The following ANKS1B variants were observed in gnomAD, a reference collection of about 807,000 sequenced individuals.
ANKS1B encodes ankyrin repeat and sterile alpha motif domain-containing protein 1B.
Under a neutral mutation model 148.3 loss-of-function variants are expected in ANKS1B, and 36 were observed. That is an observed-to-expected ratio of 0.24 (90% CI 0.19 to 0.32). The LOEUF is 0.32. Among genes scored for constraint, ANKS1B ranks in the 10% least tolerant of loss-of-function variants. ANKS1B has a pLI of 1.00. For missense variants in ANKS1B, 1,157 were observed against 1,542.6 expected (o/e 0.75, Z 4.19); for synonymous variants, 542 against 560.8 (o/e 0.97, Z 0.47).
intron 12 of ANKS1B, among the ~76,000 whole-genome samples, chr12:99,272,811 G>T (rs1212231476): frequency 6.6e-6 from 1 of 152,100 alleles, no homozygotes; most frequent in Non-Finnish European, 1.5e-5. Context: ...AGCATCATTT[G>T]AAGATATGCT....
Position 99,084,993 on chromosome 12 carries a change from A to G in ANKS1B, c.2557T>C (p.Leu853=). 4 of 1,610,008 alleles carry G rather than the reference A, an allele frequency of 2.5e-6. No homozygotes were observed. Among genetic ancestry groups the G allele is most frequent in the Non-Finnish European group, 3.4e-6 (4 of 1,178,058 alleles). The change falls in exon 16 of 27, where the codon TTG becomes CTG. Residue 853 remains leucine, a synonymous_variant. Transcript: ENST00000683438. ...GSNVMEDQDL[L]EIGILNSGHR... is the part of the protein sequence containing the mutation. ...CCAGAATTAAGGATTCCAATTTCCA[A>G]CAAATCCTGATCTTCCATAACATTG...
chr12:99,877,499 A>G (rs1470535521), intron 1 of ANKS1B, among the ~76,000 whole-genome samples: 2 of 152,206 alleles, frequency 1.3e-5, no homozygotes, highest in East Asian at 3.8e-4. Context: ...ATAGGCTCTA[A>G]CAATCTCACT....
At chr12:99,978,423 G>A (rs1344215381) in intron 1 of ANKS1B, among the ~76,000 whole-genome samples, 2 of 152,172 alleles carry the variant, frequency 1.3e-5, no homozygotes, top group African/African-American at 2.4e-5. Flanking sequence ...TCCCCATCAT[G>A]CAGCTGGCAC....
chr12:99,881,590 T>C (rs1197399774), intron 1 of ANKS1B, among the ~76,000 whole-genome samples: 3 of 152,214 alleles, frequency 2.0e-5, no homozygotes, highest in Non-Finnish European at 4.4e-5. Flanking sequence ...CGTCCTGAGC[T>C]GCACATACAG....
chr12:99,196,730 C>T (rs1352619331), intron 14 of ANKS1B, among the ~76,000 whole-genome samples: 8 of 151,752 alleles, frequency 5.3e-5, no homozygotes, highest in Non-Finnish European at 4.4e-5. Flanking sequence ...CCCATTAACT[C>T]GTCATTTAGC....
At chr12:99,820,238 A>G (rs1354617590) in intron 2 of ANKS1B, among the ~76,000 whole-genome samples, 1 of 151,950 alleles carries the variant, frequency 6.6e-6, no homozygotes, top group Non-Finnish European at 1.5e-5. Context: ...ATTGAAGATG[A>G]ATATGAAATA....
chr12:99,128,462 C>G (rs780696283), intron 15 of ANKS1B, among the ~76,000 whole-genome samples: 1 of 152,136 alleles, frequency 6.6e-6, no homozygotes, highest in African/African-American at 2.4e-5. Context: ...ATGCCTTCCT[C>G]TAAGAGTTCA....
chr12:99,365,687 G>T (rs2092725575), intron 12 of ANKS1B, among the ~76,000 whole-genome samples: 1 of 152,098 alleles, frequency 6.6e-6, no homozygotes, highest in Non-Finnish European at 1.5e-5. Flanking sequence ...ATTCAGAACA[G>T]GTCTGATCCC....
intron 8 of ANKS1B, among the ~76,000 whole-genome samples, chr12:99,661,497 C>T (rs886408262): frequency 4.6e-5 from 7 of 152,158 alleles, no homozygotes; most frequent in African/African-American, 1.7e-4. Flanking sequence ...TGTTATTGGA[C>T]CATGAGAATA....
At chr12:99,637,436 T>C (rs903322616) in intron 9 of ANKS1B, among the ~76,000 whole-genome samples, 2 of 152,166 alleles carry the variant, frequency 1.3e-5, no homozygotes, top group Non-Finnish European at 2.9e-5. Flanking sequence ...CTCGATTGGA[T>C]TGAAGGATGC....
rs1028414649 is a variant in ANKS1B at position 99,609,231 on chromosome 12, A to T, written c.1272+45836T>A. Among the ~76,000 whole-genome samples the T allele has an allele frequency of 5.9e-5, 9 of 152,148 alleles. No homozygotes were observed. The South Asian group carries it at 8.4e-4, about 14-fold the overall frequency. ...TTGACTTTTCACCATACAGCCTTTT[A>T]AAAAAATCCTTTCAAATGTCTTATT... On this transcript the variant is annotated intron_variant, in intron 9 of 26. Transcript: ENST00000683438.
At chr12:99,099,132 T>G (rs547817573) in intron 15 of ANKS1B, among the ~76,000 whole-genome samples, 1 of 152,092 alleles carries the variant, frequency 6.6e-6, no homozygotes, top group East Asian at 1.9e-4. Flanking sequence ...AGCAGGAGTC[T>G]GGGTGCCGGC....
intron 14 of ANKS1B, among the ~76,000 whole-genome samples, chr12:99,156,003 C>G (rs1030540076): frequency 6.6e-6 from 1 of 152,196 alleles, no homozygotes; most frequent in East Asian, 1.9e-4. Context: ...CTCATCCCCC[C>G]AGAGCAGCCG....
intron 2 of ANKS1B, among the ~76,000 whole-genome samples, chr12:99,822,377 A>C (rs887339813): frequency 1.3e-5 from 2 of 152,116 alleles, no homozygotes; most frequent in Non-Finnish European, 2.9e-5. Context: ...TATGATGCTG[A>C]GGTTTGGGAT....
intron 14 of ANKS1B, among the ~76,000 whole-genome samples, chr12:99,222,000 T>C (rs2085201776): frequency 6.6e-6 from 1 of 152,094 alleles, no homozygotes; most frequent in Admixed American, 6.5e-5. Flanking sequence ...CATAAAACAT[T>C]CACACAACTA....
intron 17 of ANKS1B, among the ~76,000 whole-genome samples, chr12:99,038,332 T>C (rs2153480738): frequency 6.6e-6 from 1 of 152,252 alleles, no homozygotes; most frequent in East Asian, 1.9e-4. Flanking sequence ...CGATCCTTAA[T>C]TCCTTTGATT....
At chr12:99,694,719 C>T (rs2053637382) in intron 8 of ANKS1B, among the ~76,000 whole-genome samples, 1 of 152,104 alleles carries the variant, frequency 6.6e-6, no homozygotes, top group Admixed American at 6.5e-5. Flanking sequence ...TTTCAACAAA[C>T]ACATACCAAA....
At chr12:99,073,616 TAG>T (rs149661919) in intron 16 of ANKS1B, among the ~76,000 whole-genome samples, 1,616 of 152,332 alleles carry the variant, frequency 0.011, 31 homozygotes, top group African/African-American at 0.037. Flanking sequence ...CTTGTATTTC[TAG>T]AGCTCTTGGA....
intron 12 of ANKS1B, among the ~76,000 whole-genome samples, chr12:99,370,079 GT>G (rs1296442885): frequency 7.1e-6 from 1 of 140,068 alleles, no homozygotes; most frequent in South Asian, 2.3e-4. Context: ...TAGGAGATTA[GT>G]GGGGCATGAT....
Sources: allele counts gnomAD v4.1 joint callset (sites outside exome capture counted in the v4.1 genomes callset), GRCh38; gene constraint gnomAD v4.1.1; transcripts MANE v1.5; gene names NCBI Gene and HGNC (gene_info 2026-07-23, HGNC 2026-07-21).